TG: variants seen among roughly 807,000 people sequenced by gnomAD.
TG encodes the protein thyroid hormones.
In TG, 270 loss-of-function variants were observed where a neutral mutation model predicts 324.7. The ratio of observed to expected loss-of-function variants is 0.83; its 90% CI spans 0.75 to 0.92. TG has a LOEUF of 0.92. Ranked by LOEUF, TG falls within the 40% of genes least tolerant of loss-of-function variation. The pLI, the probability that TG is intolerant of heterozygous loss-of-function variation, is 0.00. For synonymous variants in TG, 1,401 were observed against 1,327.0 expected (o/e 1.06, Z -1.21); for missense variants, 3,591 against 3,456.4 (o/e 1.04, Z -0.98).
chr8:132,919,355 C>A (rs567385978), intron 20 of TG, 21 bp from the exon 21 acceptor site: 22 of 1,612,258 alleles, frequency 1.4e-5, no homozygotes, highest in African/African-American at 1.1e-4. Flanking sequence ...TTTTTAACAT[C>A]ATTTCTCTGT....
chr8:132,941,218 C>T, intron 25 of TG, 133 bp from the exon 26 acceptor site: 1 of 1,096,730 alleles, frequency 9.1e-7, no homozygotes, highest in East Asian at 2.4e-5. Context: ...CAGAGAGCAT[C>T]TCATCTTGGC....
intron 41 of TG, among the ~76,000 whole-genome samples, chr8:133,034,017 C>T (rs1587815862): frequency 6.6e-6 from 1 of 152,202 alleles, no homozygotes; most frequent in Admixed American, 6.5e-5. Context: ...GGTTTGGACT[C>T]AGAACACTGT....
intron 45 of TG, among the ~76,000 whole-genome samples, chr8:133,130,859 T>G (rs552156434): frequency 9.3e-5 from 14 of 151,148 alleles, no homozygotes; most frequent in African/African-American, 3.2e-4. Context: ...GAACCTTTCA[T>G]CCCACTGTGA....
In TG at chr8:133,050,066, A is replaced by G. The variant is rs1587885032; in HGVS notation, c.7239+20043A>G. The G allele has an allele frequency of 1.6e-5, 15 of 951,110 alleles. No homozygotes were observed. The East Asian group carries it at 3.6e-4, about 23-fold the overall frequency. The allele number at this position is 951,110 out of a possible 1,614,324, so 58.9% of individuals were successfully genotyped here. A position where few individuals can be genotyped will look rare whatever the true frequency, so the allele number is the denominator to read the frequency against. ...AAGGATGAATGAACAGAGTAATCAG[A>G]TTTAACCCAGGACAGTTTGGAACAT... is the stretch of plus-strand genomic sequence containing the variant. On this transcript the variant is annotated intron_variant, in intron 41 of 47. Coordinates refer to ENST00000220616, the MANE Select transcript of TG (RefSeq NM_003235.5).
intron 40 of TG, among the ~76,000 whole-genome samples, chr8:133,025,009 G>T (rs1835946717): frequency 6.6e-6 from 1 of 152,182 alleles, no homozygotes; most frequent in Non-Finnish European, 1.5e-5. Context: ...AGAGACACAG[G>T]CCATTTTCTT....
chr8:133,062,179 C>CT (rs1008529810), intron 41 of TG, among the ~76,000 whole-genome samples: 1 of 152,168 alleles, frequency 6.6e-6, no homozygotes, highest in Non-Finnish European at 1.5e-5. Flanking sequence ...AAATTTGAGG[C>CT]TCGGGCCCTT....
chr8:133,097,391 G>A lies in TG; in HGVS notation c.7572+1018G>A, dbSNP rs555875228. The stretch of plus-strand genomic sequence containing the variant: ...TTGATTGATTGTGGCATTGATTATT[G>A]TGGCAAAAAATTGGAAGCAACTCAA... On this transcript the variant is annotated intron_variant, in intron 43 of 47. Coordinates refer to ENST00000220616, the MANE Select transcript of TG (RefSeq NM_003235.5). Among the ~76,000 whole-genome samples, 89 of 152,256 alleles carry A rather than the reference G, an allele frequency of 5.8e-4. 1 individual carries two copies. The highest frequency in any genetic ancestry group is 6.8e-3 in the Middle Eastern group (2 of 294).
chr8:132,923,969 G>T (rs1821464573), intron 22 of TG, among the ~76,000 whole-genome samples: 1 of 152,122 alleles, frequency 6.6e-6, no homozygotes, highest in African/African-American at 2.4e-5. Context: ...AGGTGGCAGG[G>T]TGGGGATGGT....
At chr8:132,916,745 T>C (rs949950686) in intron 20 of TG, among the ~76,000 whole-genome samples, 1 of 152,226 alleles carries the variant, frequency 6.6e-6, no homozygotes, top group African/African-American at 2.4e-5. Context: ...AGGCCAGCCA[T>C]ATGGCTTCTC....
chr8:132,934,645 A>T (rs1369454024), intron 24 of TG, among the ~76,000 whole-genome samples: 1 of 152,178 alleles, frequency 6.6e-6, no homozygotes, highest in African/African-American at 2.4e-5. Flanking sequence ...TTGCCTCTTC[A>T]GTGAGTTCAG....
chr8:133,121,266 C>T (rs1016992753), intron 45 of TG, among the ~76,000 whole-genome samples: 2 of 152,220 alleles, frequency 1.3e-5, no homozygotes, highest in East Asian at 3.9e-4. Context: ...AGTAGGGAGG[C>T]CGGAGAGGTC....
chr8:132,890,602 A>G (rs775414438), intron 10 of TG, among the ~76,000 whole-genome samples: 1 of 152,236 alleles, frequency 6.6e-6, no homozygotes, highest in Non-Finnish European at 1.5e-5. Flanking sequence ...TGGTTCTACC[A>G]TCTACTGCTC....
chr8:132,871,794 T>C (rs944957872), intron 4 of TG, among the ~76,000 whole-genome samples: 7 of 152,248 alleles, frequency 4.6e-5, no homozygotes, highest in African/African-American at 1.7e-4. Flanking sequence ...GTGAGTCTCC[T>C]GTTGCAGACC....
intron 19 of TG, among the ~76,000 whole-genome samples, chr8:132,912,436 T>C (rs2687827): frequency 0.41 from 62,107 of 151,924 alleles, 15,563 homozygotes; most frequent in Admixed American, 0.53. Context: ...GCCAAAATGT[T>C]TGCTATGTGC....
chr8:133,017,687 T>C, intron 37 of TG, 91 bp from the exon 38 acceptor site: 1 of 1,269,886 alleles, frequency 7.9e-7, no homozygotes, highest in Non-Finnish European at 1.1e-6. Flanking sequence ...TGATTTTTCT[T>C]TTGTTGAAAG....
chr8:132,958,666 C>T (rs1418949193), intron 27 of TG, among the ~76,000 whole-genome samples: 3 of 77,084 alleles, frequency 3.9e-5, no homozygotes, highest in African/African-American at 1.2e-4. Context: ...TGCAGTGAGC[C>T]GAGATCGTGC....
At chr8:132,968,556 G>C (rs1327881562) in intron 31 of TG, among the ~76,000 whole-genome samples, 1 of 152,084 alleles carries the variant, frequency 6.6e-6, no homozygotes, top group African/African-American at 2.4e-5. Context: ...TTCATTTACT[G>C]TTCTATCTTC....
intron 5 of TG, among the ~76,000 whole-genome samples, chr8:132,876,922 A>G (rs1813888087): frequency 6.6e-6 from 1 of 152,196 alleles, no homozygotes; most frequent in African/African-American, 2.4e-5. Context: ...GTCTAACTTC[A>G]AATGCCTTAG....
At chr8:132,966,465 T>C in intron 29 of TG, 95 bp from the exon 30 acceptor site, 1 of 1,210,396 alleles carries the variant, frequency 8.3e-7, no homozygotes, top group Non-Finnish European at 1.1e-6. Flanking sequence ...TGTCTCTCTC[T>C]CTGTGTGTGT....
Sources: gnomAD v4.1 joint callset for allele counts (sites outside exome capture counted in the v4.1 genomes callset) on GRCh38, gnomAD v4.1.1 for gene constraint, MANE v1.5 for transcripts, NCBI Gene and HGNC (gene_info 2026-07-23, HGNC 2026-07-21) for gene names.